NSMCE1: variants seen among roughly 807,000 people sequenced by gnomAD.
NSMCE1 encodes the protein NSE1 component of SMC5/6 complex, also known as non-structural maintenance of chromosomes element 1 homolog.
Under a neutral mutation model 29.6 loss-of-function variants are expected in NSMCE1, and 18 were observed. The observed-to-expected ratio is 0.61, with a 90% CI of 0.42 to 0.90. The LOEUF is 0.90. Among genes scored for constraint, NSMCE1 ranks in the 40% least tolerant of loss-of-function variants. NSMCE1 has a pLI of 0.00. For synonymous variants in NSMCE1, 124 were observed against 133.4 expected (o/e 0.93, Z 0.49); for missense variants, 314 against 343.6 (o/e 0.91, Z 0.68).
Position 27,232,350 on chromosome 16 carries a change from G to A in NSMCE1, c.483+651C>T, listed in dbSNP as rs1393933475. Among the ~76,000 whole-genome samples, 1 of 152,202 alleles carries A rather than the reference G, an allele frequency of 6.6e-6. No homozygotes were observed. The highest frequency in any genetic ancestry group is 6.5e-5 in the Admixed American group (1 of 15,276). Reference sequence around the variant, plus strand: ...TCTGCTCCATTCAGCAGGACTAGACGTGGGGGTGGGGGCAACATCTAGAAA... The same window carrying A: ...TCTGCTCCATTCAGCAGGACTAGACATGGGGGTGGGGGCAACATCTAGAAA... On this transcript the variant is annotated intron_variant, in intron 5 of 7. Transcript: ENST00000361439. This position sits in a 1 kb window ranked among gnomAD's most constrained non-coding sequence, Gnocchi z 4.5.
chr16:27,234,329 G>GC, intron 3 of NSMCE1, 64 bp from the exon 4 acceptor site: 1 of 1,096,756 alleles, frequency 9.1e-7, no homozygotes, highest in Non-Finnish European at 1.4e-6. Context: ...CGTGTCGCTG[G>GC]CTCTCCCTCC....
rs1336909497 is a variant in NSMCE1, at chr16:27,247,642, T to C, written c.136+9793A>G. On this transcript the variant is annotated intron_variant, in intron 2 of 7. Transcript: ENST00000361439. ...CTAGAATTTCACATAAATGCCTTCA[T>C]ATGGCCGGGCACAGTGGCTCACACC... Among the ~76,000 whole-genome samples the C allele has an allele frequency of 3.3e-5, 5 of 152,162 alleles. No homozygotes were observed. In the East Asian group the frequency reaches 5.8e-4, roughly 18 times the overall value.
intron 5 of NSMCE1, among the ~76,000 whole-genome samples, chr16:27,228,103 G>T (rs2083721405): frequency 6.6e-6 from 1 of 152,136 alleles, no homozygotes; most frequent in Admixed American, 6.5e-5. Context: ...TTTCTGACAG[G>T]TAGAGCCCCC....
intron 2 of NSMCE1, among the ~76,000 whole-genome samples, chr16:27,235,689 C>T (rs1195651675): frequency 1.3e-5 from 2 of 152,216 alleles, no homozygotes; most frequent in African/African-American, 2.4e-5. Flanking sequence ...CCATCTCAGC[C>T]CTTCTATCGC....
intron 6 of NSMCE1, chr16:27,226,382 T>G (rs1162533278): frequency 6.7e-6 from 2 of 297,106 alleles, no homozygotes; most frequent in Admixed American, 9.5e-5. Flanking sequence ...TTAAGACCAC[T>G]CCAGAAAGCA....
At chr16:27,257,932 G>T (rs2084105993) in intron 1 of NSMCE1, among the ~76,000 whole-genome samples, 1 of 152,130 alleles carries the variant, frequency 6.6e-6, no homozygotes, top group African/African-American at 2.4e-5. Context: ...AGATTAGATG[G>T]GTTAATACAT....
chr16:27,246,463 T>C (rs2083959999), intron 2 of NSMCE1, among the ~76,000 whole-genome samples: 1 of 152,142 alleles, frequency 6.6e-6, no homozygotes, highest in African/African-American at 2.4e-5. Context: ...AGGGAAGTAT[T>C]TTAAAACTAA....
intron 2 of NSMCE1, among the ~76,000 whole-genome samples, chr16:27,247,940 C>CA (rs1296790454): frequency 6.7e-6 from 1 of 149,392 alleles, no homozygotes; most frequent in African/African-American, 2.5e-5. Context: ...AAAAAAAAAA[C>CA]AAAAAACAAA....
At chr16:27,266,128 TTTGG>T (rs1286516070) in intron 1 of NSMCE1, among the ~76,000 whole-genome samples, 4 of 152,154 alleles carry the variant, frequency 2.6e-5, no homozygotes, top group Non-Finnish European at 5.9e-5. Flanking sequence ...ATCTCAATAC[TTTGG>T]GAGGTCAAGG....
chr16:27,265,815 G>A (rs1049723576), intron 1 of NSMCE1, among the ~76,000 whole-genome samples: 12 of 152,250 alleles, frequency 7.9e-5, no homozygotes, highest in Admixed American at 2.0e-4. Flanking sequence ...ACATAAAATC[G>A]AAAACTCAGC....
intron 1 of NSMCE1, among the ~76,000 whole-genome samples, chr16:27,265,374 C>T (rs1053884261): frequency 4.6e-5 from 7 of 151,768 alleles, no homozygotes; most frequent in Non-Finnish European, 8.8e-5. Context: ...TCACCTGTTG[C>T]CCCAGCTGGT....
At chr16:27,226,534 C>T (rs925937151) in intron 6 of NSMCE1, 186 bp downstream of exon 6, 20 of 550,608 alleles carry the variant, frequency 3.6e-5, no homozygotes, top group South Asian at 9.4e-5. Flanking sequence ...GCAGTGCGTC[C>T]CTGCGGGGCA....
intron 2 of NSMCE1, among the ~76,000 whole-genome samples, chr16:27,250,817 T>C (rs2084018598): frequency 1.3e-5 from 2 of 149,342 alleles, no homozygotes; most frequent in Admixed American, 1.3e-4. Context: ...AATAATAAAA[T>C]AAATGAAATT....
Position 27,259,064 on chromosome 16 carries a change from C to T in NSMCE1, c.-11-1483G>A, listed in dbSNP as rs1338642452. On this transcript the variant is annotated intron_variant, in intron 1 of 7. Coordinates refer to ENST00000361439, the MANE Select transcript of NSMCE1 (RefSeq NM_145080.4). Reference sequence around the variant, plus strand: ...ACGCCCAGCCAGTGCTGTTCTTTAACAGCATCCTCAACTGGACCTCAGGGC... The same window carrying T: ...ACGCCCAGCCAGTGCTGTTCTTTAATAGCATCCTCAACTGGACCTCAGGGC... 2.0e-5 allele frequency among the ~76,000 whole-genome samples: 3 copies of T among 152,166 alleles called. No homozygotes were observed. The East Asian group carries it at 5.8e-4, about 29-fold the overall frequency.
chr16:27,256,375 C>G (rs1030144295), intron 2 of NSMCE1, among the ~76,000 whole-genome samples: 11 of 152,142 alleles, frequency 7.2e-5, no homozygotes, highest in Non-Finnish European at 1.3e-4. Context: ...AGTGAAGGGT[C>G]CTGTGATCTC....
intron 2 of NSMCE1, among the ~76,000 whole-genome samples, chr16:27,252,352 A>T (rs567468562): frequency 6.6e-6 from 1 of 152,338 alleles, no homozygotes; most frequent in South Asian, 2.1e-4. Context: ...TGTGTAAAGA[A>T]ACCTCCATAG....
intron 1 of NSMCE1, among the ~76,000 whole-genome samples, chr16:27,265,422 C>A (rs1254663544): frequency 6.6e-6 from 1 of 152,036 alleles, no homozygotes; most frequent in African/African-American, 2.4e-5. Flanking sequence ...CCCACCTCAG[C>A]CTCCCAAAGT....
At chr16:27,238,242 C>T (rs2083848698) in intron 2 of NSMCE1, among the ~76,000 whole-genome samples, 1 of 152,210 alleles carries the variant, frequency 6.6e-6, no homozygotes, top group African/African-American at 2.4e-5. Flanking sequence ...TCATCTCTAA[C>T]AGCCACACAC....
chr16:27,229,607 T>G (rs2083741852), intron 5 of NSMCE1, among the ~76,000 whole-genome samples: 1 of 152,208 alleles, frequency 6.6e-6, no homozygotes. Flanking sequence ...AGAGTTTCGC[T>G]CTTGTTGCCC....
Sources: gnomAD v4.1 joint callset for allele counts (sites outside exome capture counted in the v4.1 genomes callset) on GRCh38, gnomAD v4.1.1 for gene constraint, Gnocchi (gnomAD v3.1) non-coding constraint, MANE v1.5 for transcripts, NCBI Gene and HGNC (gene_info 2026-07-23, HGNC 2026-07-21) for gene names.